The following DOCK9 variants were observed in gnomAD, a reference collection of about 807,000 sequenced individuals.
DOCK9 encodes dedicator of cytokinesis 9.
Under a neutral mutation model 263.3 loss-of-function variants are expected in DOCK9, and 89 were observed. The observed-to-expected ratio is 0.34, with a 90% CI of 0.28 to 0.40. DOCK9 has a LOEUF of 0.40. Among genes scored for constraint, DOCK9 ranks in the 10% least tolerant of loss-of-function variants. The probability of loss-of-function intolerance (pLI) is 1.00; values close to 1 mark genes in which losing one functional copy is unlikely to be tolerated. For synonymous variants in DOCK9, 976 were observed against 973.1 expected, an observed-to-expected ratio of 1.00 and a Z score of -0.06; for missense variants, 2,140 against 2,603.4, an observed-to-expected ratio of 0.82 and a Z score of 3.87.
At chr13:98,931,143 G>T (rs1309333058) in intron 2 of DOCK9, among the ~76,000 whole-genome samples, 1 of 152,146 alleles carries the variant, frequency 6.6e-6, no homozygotes, top group Non-Finnish European at 1.5e-5. Context: ...AACTGTGAAT[G>T]CTACCTCCCC....
chr13:98,922,233 C>T, intron 5 of DOCK9, 87 bp from the exon 6 acceptor site: 1 of 962,340 alleles, frequency 1.0e-6, no homozygotes, highest in South Asian at 1.5e-5. Flanking sequence ...AAGGTCATTC[C>T]CTTTGTGCCA....
intron 27 of DOCK9, among the ~76,000 whole-genome samples, chr13:98,875,763 T>G (rs1286303106): frequency 6.6e-6 from 1 of 152,132 alleles, no homozygotes; most frequent in African/African-American, 2.4e-5. Context: ...GAAACTAGAG[T>G]CTGGCACAGT....
At position 98,967,595 on chromosome 13, in the gene DOCK9, G is replaced by A. The variant is rs2059334962; in HGVS notation, c.126+10189C>T. On this transcript the variant is annotated intron_variant, in intron 1 of 52. Coordinates refer to ENST00000682017, the MANE Select transcript of DOCK9 (RefSeq NM_001366683.2). Reference sequence around the variant, plus strand: ...CTAGAACCAGAAGTGCCTCTCCAATGCCTCTGTTCCTCTTTATATGAGAAA... The same window carrying A: ...CTAGAACCAGAAGTGCCTCTCCAATACCTCTGTTCCTCTTTATATGAGAAA... Among the ~76,000 whole-genome samples the A allele has an allele frequency of 2.6e-5, 4 of 152,188 alleles. No individual in the cohort carries two copies. In the South Asian group the frequency reaches 8.3e-4, roughly 32 times the overall value.
At chr13:99,042,855 T>C (rs1176037739) in intron 1 of DOCK9, among the ~76,000 whole-genome samples, 2 of 152,180 alleles carry the variant, frequency 1.3e-5, no homozygotes, top group African/African-American at 4.8e-5. Context: ...TACATCCAAT[T>C]ATTTTAAAAA....
intron 1 of DOCK9, among the ~76,000 whole-genome samples, chr13:99,084,402 C>T (rs1388613009): frequency 2.0e-5 from 3 of 152,240 alleles, no homozygotes; most frequent in African/African-American, 4.8e-5. Context: ...CAGGTTTCAT[C>T]AGACAAGTGA....
At chr13:99,054,208 T>G (rs1378356147) in intron 1 of DOCK9, among the ~76,000 whole-genome samples, 1 of 152,182 alleles carries the variant, frequency 6.6e-6, no homozygotes, top group East Asian at 1.9e-4. Flanking sequence ...ATTACAAATA[T>G]TAGTGCTCTC....
chr13:99,001,462 C>CA (rs1293569643), intron 1 of DOCK9, among the ~76,000 whole-genome samples: 1 of 152,226 alleles, frequency 6.6e-6, no homozygotes, highest in Non-Finnish European at 1.5e-5. Flanking sequence ...TCATCCCATA[C>CA]AAGCCCTTTG....
At position 98,804,981 on chromosome 13, in the gene DOCK9, G is replaced by A. The variant is rs777505906; in HGVS notation, c.5725+18C>T. 10 of 1,583,750 alleles carry A rather than the reference G, an allele frequency of 6.3e-6. No individual in the cohort carries two copies. In the South Asian group the frequency reaches 8.1e-5, roughly 13 times the overall value. The stretch of plus-strand genomic sequence containing the variant: ...GAGGTGTCCGGGCTCGTGTCCATGC[G>A]GCTTCTGGGGCCCATACCTGTCAGG... On this transcript the variant is annotated intron_variant, in intron 49 of 52. Coordinates refer to ENST00000682017, the MANE Select transcript of DOCK9 (RefSeq NM_001366683.2).
At chr13:99,063,377 C>A (rs1046106790) in intron 1 of DOCK9, among the ~76,000 whole-genome samples, 1 of 152,236 alleles carries the variant, frequency 6.6e-6, no homozygotes, top group South Asian at 2.1e-4. Flanking sequence ...TACACACATT[C>A]CTACCAAATG....
At chr13:99,050,318 C>T (rs1466042810) in intron 1 of DOCK9, among the ~76,000 whole-genome samples, 7 of 152,164 alleles carry the variant, frequency 4.6e-5, no homozygotes, top group African/African-American at 1.7e-4. Context: ...CAGTGATACA[C>T]GAATGGAAAT....
chr13:99,025,485 A>G (rs900568893), intron 1 of DOCK9: 1 of 152,260 alleles, frequency 6.6e-6, no homozygotes, highest in Non-Finnish European at 1.5e-5. Flanking sequence ...CTAAAATCAA[A>G]AAGACAAGTA....
chr13:98,968,453 C>G (rs1218877526), intron 1 of DOCK9, among the ~76,000 whole-genome samples: 1 of 152,062 alleles, frequency 6.6e-6, no homozygotes, highest in East Asian at 1.9e-4. Flanking sequence ...CACCCCGTCT[C>G]TACTAAAAAT....
At chr13:98,910,042 T>C (rs9517480) in intron 9 of DOCK9, among the ~76,000 whole-genome samples, 1,578 of 152,340 alleles carry the variant, frequency 0.01, 21 homozygotes, top group Middle Eastern at 0.058. Flanking sequence ...AAAAGTTGGA[T>C]GCTATTCTTT....
In DOCK9 at chr13:98,860,509, T is replaced by G. The variant is rs2093830852; in HGVS notation, c.3593A>C (p.Glu1198Ala). 2 of 1,570,300 alleles carry G rather than the reference T, an allele frequency of 1.3e-6. No homozygotes were observed. Among genetic ancestry groups the G allele is most frequent in the Non-Finnish European group, 1.7e-6 (2 of 1,156,378 alleles). The change falls in exon 33 of 53, where the codon GAA becomes GCA. Residue 1198 changes from glutamate to alanine, a missense_variant. Physicochemically the swap from Glu to Ala is moderately radical, Grantham distance 107. This residue lies in a region of DOCK9 where 1,521 missense variants were observed against 1,741.7 expected (regional missense o/e 0.87). Transcript: ENST00000682017. ...PVNAGMTVKD[E>A]SLALPAVNPL... The stretch of plus-strand genomic sequence containing the variant: ...ATTCACAGCTGGTAGAGCCAGGGAT[T>G]CATCCTTCACAGTCTGTCAAGGAGA...
At chr13:98,882,476 T>TTC (rs2044956213) in intron 23 of DOCK9, among the ~76,000 whole-genome samples, 2 of 152,206 alleles carry the variant, frequency 1.3e-5, no homozygotes, top group South Asian at 4.1e-4. Context: ...TCACATTTCT[T>TTC]GTTTTGTCCC....
chr13:99,007,111 C>G lies in DOCK9; in HGVS notation c.130-51560G>C, dbSNP rs372579571. 3.9e-4 allele frequency among the ~76,000 whole-genome samples: 59 copies of G among 151,428 alleles called. 2 individuals carry two copies. Among genetic ancestry groups the G allele is most frequent in the African/African-American group, 1.4e-3 (58 of 41,264 alleles). On this transcript the variant is annotated intron_variant, in intron 1 of 32. Coordinates refer to the DOCK9 transcript ENST00000427887. ...TGTCTCAAAAAAATAAAATTTAGGC[C>G]AGGTGCAGTGGTTCACGCCTGTAAT...
intron 1 of DOCK9, among the ~76,000 whole-genome samples, chr13:98,999,750 G>A (rs1285433235): frequency 6.6e-6 from 1 of 152,166 alleles, no homozygotes; most frequent in Non-Finnish European, 1.5e-5. Flanking sequence ...AGATAAACAT[G>A]CATCTGCACA....
intron 50 of DOCK9, among the ~76,000 whole-genome samples, chr13:98,799,275 A>C (rs75799171): frequency 6.6e-6 from 1 of 152,364 alleles, no homozygotes; most frequent in East Asian, 1.9e-4. Flanking sequence ...TATGTATTAT[A>C]ATCCACATGT....
intron 5 of DOCK9, among the ~76,000 whole-genome samples, chr13:98,922,880 G>C (rs918998779): frequency 2.6e-5 from 4 of 152,162 alleles, no homozygotes; most frequent in African/African-American, 9.7e-5. Flanking sequence ...CTTTCCTCTA[G>C]GAATAGGGGG....
Sources: gnomAD v4.1 joint callset for allele counts (sites outside exome capture counted in the v4.1 genomes callset) on GRCh38, gnomAD v4.1.1 for gene constraint, gnomAD v4.1.1 regional missense constraint, MANE v1.5 for transcripts, NCBI Gene and HGNC (gene_info 2026-07-23, HGNC 2026-07-21) for gene names.